The following CCDC30 variants were observed in gnomAD, a reference collection of about 807,000 sequenced individuals.
CCDC30 encodes coiled-coil domain containing 30, also known as coiled-coil domain-containing protein 30.
CCDC30 carries 70 observed loss-of-function variants against 100.2 expected under a neutral mutation model. That is an observed-to-expected ratio of 0.70 (90% confidence interval 0.58 to 0.85). The LOEUF (loss-of-function observed/expected upper bound fraction) is 0.85. Among genes scored for constraint, CCDC30 ranks in the 40% least tolerant of loss-of-function variants. CCDC30 has a pLI of 0.00. For missense variants in CCDC30, 652 were observed against 771.2 expected (o/e 0.85, Z 1.83); for synonymous variants, 233 against 269.5 (o/e 0.86, Z 1.33).
chr1:42,483,692 G>C (rs2148457984), intron 3 of CCDC30, among the ~76,000 whole-genome samples: 1 of 152,162 alleles, frequency 6.6e-6, no homozygotes, highest in Middle Eastern at 3.4e-3. Context: ...GCTCGAGTCT[G>C]TTGTATATTT....
At chr1:42,555,811 T>C (rs1198480254) in intron 6 of CCDC30, among the ~76,000 whole-genome samples, 1 of 152,128 alleles carries the variant, frequency 6.6e-6, no homozygotes, top group Non-Finnish European at 1.5e-5. Flanking sequence ...CTCAGCCTCC[T>C]GATGAGTAGC....
chr1:42,635,711 G>A (rs1251169466), intron 11 of CCDC30, among the ~76,000 whole-genome samples: 1 of 151,872 alleles, frequency 6.6e-6, no homozygotes, highest in Non-Finnish European at 1.5e-5. Flanking sequence ...AGGAGGCTGA[G>A]GCAGGAGAAT....
intron 11 of CCDC30, among the ~76,000 whole-genome samples, chr1:42,621,238 A>G (rs1162992428): frequency 6.6e-6 from 1 of 152,248 alleles, no homozygotes; most frequent in East Asian, 1.9e-4. Flanking sequence ...TAATAATCAC[A>G]TCGTGGAGAA....
chr1:42,636,230 C>A lies in CCDC30; in HGVS notation c.1278-1007C>A, dbSNP rs574739786. ...AGGCAGAGTTTAAGACCTGCCTGGG[C>A]AACATGTGAGACACCCATCTCTACA... On this transcript the variant is annotated intron_variant, in intron 11 of 16. Coordinates refer to ENST00000668663, the Ensembl canonical transcript of CCDC30. Among the ~76,000 whole-genome samples, 64 of 152,078 alleles carry A rather than the reference C, an allele frequency of 4.2e-4. 1 individual carries two copies. Among genetic ancestry groups the A allele is most frequent in the African/African-American group, 1.5e-3 (61 of 41,494 alleles).
chr1:42,653,369 C>T lies in CCDC30; in HGVS notation c.1855-7C>T. 3.2e-6 allele frequency: 5 copies of T among 1,579,152 alleles called. No individual in the cohort carries two copies. Among genetic ancestry groups the T allele is most frequent in the Non-Finnish European group, 4.3e-6 (5 of 1,153,526 alleles). The stretch of plus-strand genomic sequence containing the variant: ...ACTTTTCACATTCATCCTTTCTTTC[C>T]TTTTAGGAAACAACAATTAGTGACA... On this transcript the variant is annotated splice_polypyrimidine_tract_variant and splice_region_variant and intron_variant, in intron 15 of 16. Coordinates refer to ENST00000668663, the Ensembl canonical transcript of CCDC30.
downstream of CCDC30, among the ~76,000 whole-genome samples, chr1:42,655,139 C>T (rs1022373226): frequency 2.6e-5 from 4 of 152,208 alleles, no homozygotes; most frequent in Admixed American, 6.5e-5. Context: ...ACCATGGAAA[C>T]ATTTTCAATC....
At chr1:42,565,373 C>T (rs1645583333) in intron 6 of CCDC30, among the ~76,000 whole-genome samples, 1 of 151,952 alleles carries the variant, frequency 6.6e-6, no homozygotes, top group South Asian at 2.1e-4. Context: ...TAAAAATAGG[C>T]AAAGGATGCA....
At chr1:42,591,305 T>C (rs1646181482) in intron 10 of CCDC30, 1 of 152,062 alleles carries the variant, frequency 6.6e-6, no homozygotes, top group Admixed American at 6.5e-5. Context: ...TCCACAGACG[T>C]AGGAGGAAAG....
At chr1:42,516,399 T>C (rs560955207) in intron 6 of CCDC30, among the ~76,000 whole-genome samples, 48 of 152,070 alleles carry the variant, frequency 3.2e-4, no homozygotes, top group Middle Eastern at 3.4e-3. Context: ...ATTAAGGCCT[T>C]CCTGTGGAGG....
intron 6 of CCDC30, among the ~76,000 whole-genome samples, chr1:42,543,313 T>C (rs994038161): frequency 3.3e-5 from 5 of 150,268 alleles, no homozygotes; most frequent in Non-Finnish European, 4.4e-5. Context: ...CCTCCCTTCC[T>C]TCCTACCTTG....
At chr1:42,585,257 A>G (rs1365968882) in intron 9 of CCDC30, among the ~76,000 whole-genome samples, 1 of 152,126 alleles carries the variant, frequency 6.6e-6, no homozygotes, top group Admixed American at 6.6e-5. Context: ...TTTGATATTT[A>G]AAAATAAATG....
intron 9 of CCDC30, among the ~76,000 whole-genome samples, chr1:42,584,190 A>G (rs150998509): frequency 7.9e-5 from 12 of 152,340 alleles, no homozygotes; most frequent in African/African-American, 2.9e-4. Context: ...GTGGCCCACT[A>G]TAACCAGAAA....
At chr1:42,465,995 TA>T (rs1193126636) in intron 1 of CCDC30, among the ~76,000 whole-genome samples, 2 of 152,256 alleles carry the variant, frequency 1.3e-5, no homozygotes, top group Admixed American at 1.3e-4. Context: ...AAACATTTTT[TA>T]CATTGCTACA....
chr1:42,536,259 G>A (rs1644902580), intron 6 of CCDC30, among the ~76,000 whole-genome samples: 1 of 151,938 alleles, frequency 6.6e-6, no homozygotes, highest in Non-Finnish European at 1.5e-5. Context: ...CTACTGTGAT[G>A]GCTATAATGT....
At chr1:42,634,675 C>A (rs1647114082) in intron 11 of CCDC30, among the ~76,000 whole-genome samples, 1 of 152,008 alleles carries the variant, frequency 6.6e-6, no homozygotes, top group African/African-American at 2.4e-5. Flanking sequence ...ACTTTTGTTT[C>A]TTTGGTTTTT....
At chr1:42,565,828 G>A (rs1490509815) in intron 6 of CCDC30, among the ~76,000 whole-genome samples, 7 of 151,922 alleles carry the variant, frequency 4.6e-5, no homozygotes, top group South Asian at 2.1e-4. Context: ...AAGAATCATC[G>A]GGAAATAAAA....
At chr1:42,516,963 G>A (rs192789399) in intron 6 of CCDC30, among the ~76,000 whole-genome samples, 44 of 152,092 alleles carry the variant, frequency 2.9e-4, no homozygotes, top group Non-Finnish European at 5.4e-4. Flanking sequence ...AATTAGGTTT[G>A]GTTTTTCTTA....
intron 1 of CCDC30, among the ~76,000 whole-genome samples, chr1:42,475,150 A>G (rs761684749): frequency 6.6e-6 from 1 of 152,144 alleles, no homozygotes; most frequent in African/African-American, 2.4e-5. Context: ...CATCATACCT[A>G]TGGGAAACAT....
At chr1:42,506,848 A>G (rs1644401912) in intron 6 of CCDC30, among the ~76,000 whole-genome samples, 1 of 152,262 alleles carries the variant, frequency 6.6e-6, no homozygotes, top group Non-Finnish European at 1.5e-5. Flanking sequence ...TAAGTCAAAA[A>G]GCAAAAATCT....
Sources: allele counts gnomAD v4.1 joint callset (sites outside exome capture counted in the v4.1 genomes callset), GRCh38; gene constraint gnomAD v4.1.1; transcripts MANE v1.5; gene names NCBI Gene and HGNC (gene_info 2026-07-23, HGNC 2026-07-21).